Variants in MAD1L1 observed in about 807,000 individuals in gnomAD.
MAD1L1 encodes mitotic arrest deficient 1 like 1.
In MAD1L1, 95 loss-of-function variants were observed where a neutral mutation model predicts 96.9. The observed-to-expected ratio is 0.98, with a 90% CI of 0.83 to 1.16. MAD1L1 has a LOEUF of 1.16. Ranked by LOEUF, MAD1L1 falls within the 50% of genes most tolerant of loss-of-function variation. The pLI is 0.00. For missense variants in MAD1L1, 1,007 were observed against 954.4 expected (o/e 1.06, Z -0.73); for synonymous variants, 473 against 396.6 (o/e 1.19, Z -2.29).
At chr7:2,179,900 G>A (rs963009170) in intron 10 of MAD1L1, among the ~76,000 whole-genome samples, 1 of 152,076 alleles carries the variant, frequency 6.6e-6, no homozygotes, top group South Asian at 2.1e-4. Context: ...GAACCTGGGA[G>A]GCGGAGGTCA....
intron 3 of MAD1L1, among the ~76,000 whole-genome samples, chr7:2,227,861 T>TC (rs1793984148): frequency 6.6e-6 from 1 of 152,030 alleles, no homozygotes; most frequent in African/African-American, 2.4e-5. Context: ...ACACACCTGA[T>TC]CCGTGTGCCA....
chr7:1,819,305 T>G (rs1583465034), intron 18 of MAD1L1, among the ~76,000 whole-genome samples: 3 of 152,180 alleles, frequency 2.0e-5, no homozygotes. Context: ...CCTCTCCCTC[T>G]GCCTGGCCGG....
intron 17 of MAD1L1, among the ~76,000 whole-genome samples, chr7:1,907,613 G>T (rs1329727838): frequency 1.3e-5 from 2 of 152,242 alleles, no homozygotes; most frequent in African/African-American, 4.8e-5. Flanking sequence ...CACTGCCTGT[G>T]CGTTCACGGA....
chr7:2,184,124 C>T (rs1025875183), intron 10 of MAD1L1, among the ~76,000 whole-genome samples: 1 of 151,776 alleles, frequency 6.6e-6, no homozygotes, highest in African/African-American at 2.4e-5. Context: ...TGGTGGCGGG[C>T]GCCTGTAGTC....
intron 17 of MAD1L1, among the ~76,000 whole-genome samples, chr7:1,920,826 T>A (rs1423052297): frequency 3.3e-5 from 5 of 152,216 alleles, no homozygotes; most frequent in Non-Finnish European, 7.3e-5. Flanking sequence ...CCCATAACGA[T>A]GCACGAACAC....
In MAD1L1 at chr7:1,939,515, AGACATGACCATGGTCAT is replaced by A. The variant is rs1778839006; in HGVS notation, c.1597-2635_1597-2619del. 7.4e-5 allele frequency among the ~76,000 whole-genome samples: 11 copies of A among 147,740 alleles called. No individual in the cohort carries two copies. In the South Asian group the frequency reaches 2.5e-3, roughly 33 times the overall value. Reference sequence around the variant, plus strand: ...TCATGACATGGGTCATGTCAGGCACAGACATGACCATGGTCATGACATGGGTCATGTCAGGCACAGAC... The same window carrying A: ...TCATGACATGGGTCATGTCAGGCACAGACATGGGTCATGTCAGGCACAGAC... On this transcript the variant is annotated intron_variant, in intron 16 of 18. Transcript: ENST00000265854.
chr7:1,832,861 G>C (rs1782776725), intron 18 of MAD1L1, among the ~76,000 whole-genome samples: 1 of 151,958 alleles, frequency 6.6e-6, no homozygotes, highest in African/African-American at 2.4e-5. Flanking sequence ...CGAACTACTG[G>C]CCTCAAGTGA....
intron 15 of MAD1L1, among the ~76,000 whole-genome samples, chr7:1,974,556 C>A (rs1413969706): frequency 1.3e-5 from 2 of 152,034 alleles, no homozygotes; most frequent in African/African-American, 4.8e-5. Flanking sequence ...AGTATAGCAA[C>A]AAATAAAATA....
At chr7:2,184,178 G>A (rs967478245) in intron 10 of MAD1L1, among the ~76,000 whole-genome samples, 18 of 152,110 alleles carry the variant, frequency 1.2e-4, no homozygotes, top group African/African-American at 4.1e-4. Context: ...CATGAATCCG[G>A]GAGGCGGAGC....
In MAD1L1 at chr7:2,221,007, C is replaced by T. The variant is rs763016143; in HGVS notation, c.472-1551G>A. On this transcript the variant is annotated intron_variant, in intron 5 of 18. Transcript: ENST00000265854. ...CATAAGATAATTCCAGAGTAAGGAG[C>T]GTGACAATCAGGACCCTGTGACAGG... 23 of 1,612,154 alleles carry T rather than the reference C, an allele frequency of 1.4e-5. No homozygotes were observed. In the Admixed American group the frequency reaches 3.3e-4, roughly 23 times the overall value.
At chr7:1,852,569 G>A (rs1784034888) in intron 18 of MAD1L1, among the ~76,000 whole-genome samples, 1 of 152,222 alleles carries the variant, frequency 6.6e-6, no homozygotes, top group Non-Finnish European at 1.5e-5. Flanking sequence ...GTGACGTTAT[G>A]TGATTTAAAA....
At chr7:1,962,143 G>C (rs4719372) in intron 15 of MAD1L1, among the ~76,000 whole-genome samples, 5,167 of 152,290 alleles carry the variant, frequency 0.034, 193 homozygotes, top group East Asian at 0.087. Context: ...TTGTGGGAAG[G>C]ACACGGTGGG....
At chr7:2,163,705 T>A (rs537238751) in intron 10 of MAD1L1, among the ~76,000 whole-genome samples, 2 of 152,208 alleles carry the variant, frequency 1.3e-5, no homozygotes, top group East Asian at 3.9e-4. Flanking sequence ...AACTTGGTCA[T>A]GAGAGTTGCT....
chr7:2,123,811 G>T (rs573792711), intron 11 of MAD1L1, among the ~76,000 whole-genome samples: 1 of 152,240 alleles, frequency 6.6e-6, no homozygotes, highest in Non-Finnish European at 1.5e-5. Flanking sequence ...GCTGTGCAAA[G>T]AATCAGCGCT....
chr7:2,120,129 T>C (rs938633983), intron 11 of MAD1L1, among the ~76,000 whole-genome samples: 1 of 152,196 alleles, frequency 6.6e-6, no homozygotes, highest in African/African-American at 2.4e-5. Flanking sequence ...ACTGGGTCTA[T>C]GGTAAGGCCA....
At chr7:1,910,067 C>G (rs774890486) in intron 17 of MAD1L1, among the ~76,000 whole-genome samples, 30 of 152,144 alleles carry the variant, frequency 2.0e-4, no homozygotes, top group Non-Finnish European at 4.0e-4. Context: ...ATTACAGCCA[C>G]CAGATTACGG....
intron 10 of MAD1L1, among the ~76,000 whole-genome samples, chr7:2,164,550 T>G (rs1790326614): frequency 8.4e-6 from 1 of 119,214 alleles, no homozygotes; most frequent in Admixed American, 1.2e-4. Flanking sequence ...ATATGTTAAG[T>G]GACAGAATCA....
intron 12 of MAD1L1, among the ~76,000 whole-genome samples, chr7:2,017,967 G>A (rs1234140958): frequency 6.6e-6 from 1 of 152,126 alleles, no homozygotes; most frequent in Non-Finnish European, 1.5e-5. Flanking sequence ...CCAGGAAGCC[G>A]AGACAGAGAC....
At position 2,029,332 on chromosome 7, in the gene MAD1L1, T is replaced by C. The variant is rs968134410; in HGVS notation, c.1219-14690A>G. 2.6e-5 allele frequency among the ~76,000 whole-genome samples: 4 copies of C among 152,298 alleles called. 1 individual carries two copies. The highest frequency in any genetic ancestry group is 1.9e-4 in the East Asian group (1 of 5,182). ...CAAACACGAAAGATTACACGCTGCATGGCTCCATTTCACAACATTTTTAAA... is the reference window on the plus strand; with the variant it reads ...CAAACACGAAAGATTACACGCTGCACGGCTCCATTTCACAACATTTTTAAA... On this transcript the variant is annotated intron_variant, in intron 12 of 18. Transcript: ENST00000265854.
Sources: gnomAD v4.1 joint callset for allele counts (sites outside exome capture counted in the v4.1 genomes callset) on GRCh38, gnomAD v4.1.1 for gene constraint, MANE v1.5 for transcripts, NCBI Gene and HGNC (gene_info 2026-07-23, HGNC 2026-07-21) for gene names.